The following PHACTR2 variants were observed in gnomAD, a reference collection of about 807,000 sequenced individuals.
PHACTR2 encodes the protein phosphatase and actin regulator 2, also known as chromosome 6 open reading frame 56.
A neutral mutation model predicts 76.0 loss-of-function variants in PHACTR2; 30 were observed. The observed-to-expected ratio is 0.39, with a 90% CI of 0.30 to 0.54. The LOEUF is 0.54. Among genes scored for constraint, PHACTR2 ranks in the 20% least tolerant of loss-of-function variants. The pLI, the probability that PHACTR2 is intolerant of heterozygous loss-of-function variation, is 0.61. For synonymous variants in PHACTR2, 292 were observed against 292.5 expected, an observed-to-expected ratio of 1.00 and a Z score of 0.02; for missense variants, 696 against 781.1, an observed-to-expected ratio of 0.89 and a Z score of 1.30.
In PHACTR2 at chr6:143,549,750, C is replaced by T. The variant is rs918850054; in HGVS notation, c.217+12543C>T. On this transcript the variant is annotated intron_variant, in intron 1 of 11. Transcript: ENST00000367584. This position sits in a 1 kb window ranked among gnomAD's most constrained non-coding sequence, Gnocchi z 4.2. ...CCTACTTTAACAGTTGCTCATTGAG[C>T]CTTCTTCTAAGGCTTCCCTTGATGT... Among the ~76,000 whole-genome samples, 1 of 152,062 alleles carries T rather than the reference C, an allele frequency of 6.6e-6. No individual in the cohort carries two copies. The highest frequency in any genetic ancestry group is 1.5e-5 in the Non-Finnish European group (1 of 67,934).
chr6:143,749,961 A>G (rs1779150193), intron 3 of PHACTR2, among the ~76,000 whole-genome samples: 2 of 152,208 alleles, frequency 1.3e-5, no homozygotes, highest in Admixed American at 1.3e-4. Context: ...AAATGCTATT[A>G]ATTTAGAATT....
chr6:143,761,223 C>G lies in PHACTR2; in HGVS notation c.694+583C>G, dbSNP rs1779433622. On this transcript the variant is annotated intron_variant, in intron 5 of 12. Transcript: ENST00000440869. The surrounding 1 kb of genome is among the most constrained non-coding windows in gnomAD (Gnocchi z 5.2). ...TTTCAGTGGAGTGGAAAGTTACACTCTCAGTGTTCCACACCTCCCCTGTAG... is the reference window on the plus strand; with the variant it reads ...TTTCAGTGGAGTGGAAAGTTACACTGTCAGTGTTCCACACCTCCCCTGTAG... 6.6e-6 allele frequency among the ~76,000 whole-genome samples: 1 copy of G among 152,200 alleles called. No homozygotes were observed. The highest frequency in any genetic ancestry group is 6.5e-5 in the Admixed American group (1 of 15,288).
At chr6:143,705,610 T>C (rs1474841131) in intron 1 of PHACTR2, among the ~76,000 whole-genome samples, 1 of 152,224 alleles carries the variant, frequency 6.6e-6, no homozygotes, top group African/African-American at 2.4e-5. Flanking sequence ...CTTGAAAATT[T>C]TGAGATGTAC....
chr6:143,549,931 C>A lies in PHACTR2; in HGVS notation c.217+12724C>A, dbSNP rs574779051. ...ATCACTTTGCTGCACTGTTAATAGACAATAGGCAACAAAGGCACACCACAA... is the reference window on the plus strand; with the variant it reads ...ATCACTTTGCTGCACTGTTAATAGAAAATAGGCAACAAAGGCACACCACAA... On this transcript the variant is annotated intron_variant, in intron 1 of 11. Transcript: ENST00000367584. The surrounding 1 kb of genome is among the most constrained non-coding windows in gnomAD (Gnocchi z 4.2). Among the ~76,000 whole-genome samples, 14 of 151,912 alleles carry A rather than the reference C, an allele frequency of 9.2e-5. No homozygotes were observed. Among genetic ancestry groups the A allele is most frequent in the Non-Finnish European group, 1.8e-4 (12 of 67,934 alleles).
At position 143,765,310 on chromosome 6, in the gene PHACTR2, G is replaced by A. The variant is rs781294914; in HGVS notation, c.744G>A (p.Ser248=). ...CAACTGGCTCTAAAGCATCAGCTTC[G>A]CCATCCACTTCATCCACCTCATCTC... is the stretch of plus-strand genomic sequence containing the variant. ...KKTTGSKASA[S]PSTSSTSSRP... is the part of the protein sequence containing the mutation. Residue 248 remains serine (S), a synonymous_variant, in exon 6 of 13, where the codon TCG becomes TCA. Transcript: ENST00000440869. This position sits in a 1 kb window ranked among gnomAD's most constrained non-coding sequence, Gnocchi z 4.1. 1.4e-5 allele frequency: 22 copies of A among 1,612,708 alleles called. No individual in the cohort carries two copies. Among genetic ancestry groups the A allele is most frequent in the African/African-American group, 9.3e-5 (7 of 74,892 alleles).
chr6:143,796,301 A>C (rs1470301103), intron 11 of PHACTR2, among the ~76,000 whole-genome samples: 2 of 152,218 alleles, frequency 1.3e-5, no homozygotes, highest in African/African-American at 4.8e-5. Context: ...AAAGGATATC[A>C]AAATGGCAAT....
At chr6:143,805,011 G>A (rs1195144051) in intron 11 of PHACTR2, among the ~76,000 whole-genome samples, 1 of 152,156 alleles carries the variant, frequency 6.6e-6, no homozygotes, top group Non-Finnish European at 1.5e-5. Flanking sequence ...TTGGGGTTTG[G>A]AGTGAAGTGA....
At position 143,757,279 on chromosome 6, in the gene PHACTR2, G is replaced by A. The variant is rs1473627322; in HGVS notation, c.455-3122G>A. On this transcript the variant is annotated intron_variant, in intron 4 of 12. Transcript: ENST00000440869. The surrounding 1 kb of genome is among the most constrained non-coding windows in gnomAD (Gnocchi z 4.2). ...GCCTTAAGAGCATGACCTGTGAGGA[G>A]ACCAGAATGCAAACGGGCAATTGTA... Among the ~76,000 whole-genome samples the A allele has an allele frequency of 1.3e-5, 2 of 152,196 alleles. No homozygotes were observed. Among genetic ancestry groups the A allele is most frequent in the Non-Finnish European group, 2.9e-5 (2 of 68,046 alleles).
At chr6:143,798,629 A>G (rs1358413532) in intron 11 of PHACTR2, among the ~76,000 whole-genome samples, 1 of 152,186 alleles carries the variant, frequency 6.6e-6, no homozygotes, top group East Asian at 1.9e-4. Context: ...CCTTTTCTGC[A>G]TCTATTGAGA....
chr6:143,630,183 TTGAA>T (rs1203369825), intron 1 of PHACTR2, among the ~76,000 whole-genome samples: 4 of 128,204 alleles, frequency 3.1e-5, no homozygotes, highest in African/African-American at 1.1e-4. Context: ...TAAATATTAT[TTGAA>T]TGAAGATCAA....
At position 143,767,706 on chromosome 6, in the gene PHACTR2, T is replaced by C. The variant is rs1779590017; in HGVS notation, c.1232+1908T>C. On this transcript the variant is annotated intron_variant, in intron 6 of 12. Coordinates refer to ENST00000440869, the MANE Select transcript of PHACTR2 (RefSeq NM_001100164.2). The surrounding 1 kb of genome is among the most constrained non-coding windows in gnomAD (Gnocchi z 4.4). The stretch of plus-strand genomic sequence containing the variant: ...TGGAAGGGCAGAGAGCACAACAGAG[T>C]GAACCTACCCCTGTGAGCCCTTTTG... Among the ~76,000 whole-genome samples the C allele has an allele frequency of 2.0e-5, 3 of 152,084 alleles. No individual in the cohort carries two copies. Among genetic ancestry groups the C allele is most frequent in the African/African-American group, 7.2e-5 (3 of 41,412 alleles).
At position 143,818,426 on chromosome 6, in the gene PHACTR2, C is replaced by T. The variant is rs543372375; in HGVS notation, c.1923-5248C>T. Among the ~76,000 whole-genome samples the T allele has an allele frequency of 2.0e-5, 3 of 152,246 alleles. No individual in the cohort carries two copies. The highest frequency in any genetic ancestry group is 2.1e-4 in the South Asian group (1 of 4,834). On this transcript the variant is annotated intron_variant, in intron 12 of 12. Transcript: ENST00000440869. The surrounding 1 kb of genome is among the most constrained non-coding windows in gnomAD (Gnocchi z 4.9). ...AAAGATGATATAGGAGTACTTTCATCGTAAGATTGTTTTGGGGATTAAATG... is the reference window on the plus strand; with the variant it reads ...AAAGATGATATAGGAGTACTTTCATTGTAAGATTGTTTTGGGGATTAAATG...
chr6:143,788,978 C>A, intron 11 of PHACTR2, 68 bp downstream of exon 11: 4 of 1,433,232 alleles, frequency 2.8e-6, no homozygotes, highest in East Asian at 2.3e-5. Context: ...CCACATCCCC[C>A]CTACTTAAGT....
Position 143,678,637 on chromosome 6 carries a change from T to G in PHACTR2, c.46+428T>G, listed in dbSNP as rs910737880. Among the ~76,000 whole-genome samples, 2 of 152,212 alleles carry G rather than the reference T, an allele frequency of 1.3e-5. No individual in the cohort carries two copies. The highest frequency in any genetic ancestry group is 2.9e-5 in the Non-Finnish European group (2 of 68,038). ...TTCAAGCTTGTCAACTGATTTATGG[T>G]TTGTTATTCGGAGTAGAAGCGCTGA... On this transcript the variant is annotated intron_variant, in intron 1 of 12. Coordinates refer to ENST00000440869, the MANE Select transcript of PHACTR2 (RefSeq NM_001100164.2). The surrounding 1 kb of genome is among the most constrained non-coding windows in gnomAD (Gnocchi z 6.2).
chr6:143,757,324 G>A lies in PHACTR2; in HGVS notation c.455-3077G>A, dbSNP rs1430533420. Among the ~76,000 whole-genome samples the A allele has an allele frequency of 2.6e-5, 4 of 152,186 alleles. No homozygotes were observed. Among genetic ancestry groups the A allele is most frequent in the Admixed American group, 2.0e-4 (3 of 15,280 alleles). The stretch of plus-strand genomic sequence containing the variant: ...ATTGTAGTGCAAGATGCGAAGTACC[G>A]TAGAAGGCCTGAGCACAGCAACCCA... On this transcript the variant is annotated intron_variant, in intron 4 of 12. Coordinates refer to ENST00000440869, the MANE Select transcript of PHACTR2 (RefSeq NM_001100164.2). The surrounding 1 kb of genome is among the most constrained non-coding windows in gnomAD (Gnocchi z 4.2).
rs1776680437 is a variant in PHACTR2, at chr6:143,647,495, C to G, written c.13+39173C>G. 1.3e-5 allele frequency among the ~76,000 whole-genome samples: 2 copies of G among 152,220 alleles called. No homozygotes were observed. Among genetic ancestry groups the G allele is most frequent in the African/African-American group, 4.8e-5 (2 of 41,456 alleles). On this transcript the variant is annotated intron_variant, in intron 1 of 11. Coordinates refer to the PHACTR2 transcript ENST00000305766. This position sits in a 1 kb window ranked among gnomAD's most constrained non-coding sequence, Gnocchi z 4.2. ...TACTATCCATGGTGAAGAGGACAGC[C>G]TAGGTCGTTGCCCTCATGGGCTTGC...
At chr6:143,665,306 T>C (rs2128449290) in intron 1 of PHACTR2, among the ~76,000 whole-genome samples, 1 of 152,338 alleles carries the variant, frequency 6.6e-6, no homozygotes, top group Middle Eastern at 3.4e-3. Flanking sequence ...GCCTTTTCTG[T>C]CTCCTGCTTT....
intron 5 of PHACTR2, among the ~76,000 whole-genome samples, chr6:143,762,762 C>T (rs937708672): frequency 5.9e-5 from 9 of 152,108 alleles, no homozygotes; most frequent in Non-Finnish European, 1.5e-5. Flanking sequence ...ACCTAGGTAT[C>T]GGTTTTAGAA....
At chr6:143,808,436 T>C (rs1234824226) in intron 12 of PHACTR2, among the ~76,000 whole-genome samples, 1 of 152,054 alleles carries the variant, frequency 6.6e-6, no homozygotes, top group Non-Finnish European at 1.5e-5. Flanking sequence ...GCCCAAAATA[T>C]TTTTTAAAAC....
Sources: gnomAD v4.1 joint callset for allele counts (sites outside exome capture counted in the v4.1 genomes callset) on GRCh38, gnomAD v4.1.1 for gene constraint, Gnocchi (gnomAD v3.1) non-coding constraint, MANE v1.5 for transcripts, NCBI Gene and HGNC (gene_info 2026-07-23, HGNC 2026-07-21) for gene names.